Variants in DTWD2 observed in about 807,000 individuals in gnomAD.
The protein encoded by DTWD2 is tRNA-uridine aminocarboxypropyltransferase 2.
DTWD2 carries 39 observed loss-of-function variants against 31.8 expected under a neutral mutation model. The ratio of observed to expected loss-of-function variants is 1.22; its 90% CI spans 0.95 to 1.60. The LOEUF (loss-of-function observed/expected upper bound fraction) is 1.60, where lower values mean the gene tolerates loss of function less well. Ranked by LOEUF, DTWD2 falls within the 40% of genes most tolerant of loss-of-function variation. DTWD2 has a pLI of 0.00. For missense variants in DTWD2, 515 were observed against 381.5 expected (o/e 1.35, Z -2.92); for synonymous variants, 180 against 142.8 (o/e 1.26, Z -1.86).
At chr5:118,860,414 A>G (rs1053791607) in intron 4 of DTWD2, among the ~76,000 whole-genome samples, 2 of 151,870 alleles carry the variant, frequency 1.3e-5, no homozygotes, top group Non-Finnish European at 2.9e-5. Context: ...ACTTGATTGT[A>G]TAGCTATACC....
At chr5:118,917,412 G>A (rs1299624967) in intron 4 of DTWD2, among the ~76,000 whole-genome samples, 3 of 152,164 alleles carry the variant, frequency 2.0e-5, no homozygotes, top group Non-Finnish European at 4.4e-5. Flanking sequence ...GTCATAGTAA[G>A]GATTTATCAA....
rs201221823 is a variant in DTWD2, at chr5:118,889,544, AT to A, written c.597+38992del. ...CACGGGGGGATATGCATGTATATTT[AT>A]TTGTATATAAATAAAATAATTTTGA... On this transcript the variant is annotated intron_variant, in intron 4 of 5. Transcript: ENST00000510708. Among the ~76,000 whole-genome samples the A allele has an allele frequency of 4.1e-3, 630 of 152,218 alleles. 7 individuals carry two copies. Among genetic ancestry groups the A allele is most frequent in the East Asian group, 0.029 (151 of 5,182 alleles).
At chr5:118,975,924 A>T (rs1429216765) in intron 1 of DTWD2, among the ~76,000 whole-genome samples, 1 of 152,212 alleles carries the variant, frequency 6.6e-6, no homozygotes, top group Non-Finnish European at 1.5e-5. Context: ...CTTATTCTAA[A>T]ATTGACCACA....
At chr5:118,932,955 G>A (rs1219084849) in intron 3 of DTWD2, among the ~76,000 whole-genome samples, 2 of 151,302 alleles carry the variant, frequency 1.3e-5, no homozygotes, top group East Asian at 3.9e-4. Context: ...AAAGAGCAAA[G>A]ACACAATTAC....
At position 118,841,076 on chromosome 5, in the gene DTWD2, G is replaced by C. The variant is rs1323194324; in HGVS notation, c.738C>G (p.Arg246=). The change falls in exon 6 of 6, where the codon CGC becomes CGG. Residue 246 remains arginine, a synonymous_variant. Transcript: ENST00000510708. ...GAAAGGAGCATAAAGCTTGAAGAGG[G>C]CGAAGCAAAGTCTGTCAAGAGAAAA... is the stretch of plus-strand genomic sequence containing the variant. The part of the protein sequence containing the change: ...KNNYIQETLL[R]PLQALCSFQL... The C allele has an allele frequency of 1.2e-6, 2 of 1,610,976 alleles. No individual in the cohort carries two copies. Among genetic ancestry groups the C allele is most frequent in the Non-Finnish European group, 1.7e-6 (2 of 1,178,272 alleles).
Position 118,837,159 on chromosome 5 carries a change from G to A in DTWD2, c.*3758C>T, listed in dbSNP as rs185257336. ...CAATGTAGGTGATGAAAGAGGGAGA[G>A]GAAGACCCTGGGAAGGAGGAAGAAA... On this transcript the variant is annotated 3_prime_UTR_variant, in exon 6 of 6. Coordinates refer to ENST00000510708, the MANE Select transcript of DTWD2 (RefSeq NM_173666.4). Among the ~76,000 whole-genome samples, 640 of 152,172 alleles carry A rather than the reference G, an allele frequency of 4.2e-3. 8 individuals are homozygous for A. Among genetic ancestry groups the A allele is most frequent in the East Asian group, 0.029 (152 of 5,186 alleles).
At chr5:118,897,927 G>A (rs1753118266) in intron 4 of DTWD2, among the ~76,000 whole-genome samples, 1 of 152,150 alleles carries the variant, frequency 6.6e-6, no homozygotes, top group South Asian at 2.1e-4. Context: ...GGAGTGCAGT[G>A]TCACAATCAT....
At chr5:118,969,595 T>A (rs973554920) in intron 1 of DTWD2, among the ~76,000 whole-genome samples, 23 of 151,678 alleles carry the variant, frequency 1.5e-4, no homozygotes, top group Non-Finnish European at 3.4e-4. Context: ...TATGGAAGAG[T>A]GACCTGTTAA....
rs753506278 is a variant in DTWD2, at chr5:118,928,563, T to C, written c.571A>G (p.Asn191Asp). ...TGTTTGGGATGTCGGAACAAGGAGT[T>C]CTTATAGAAAATGTCCTTAGCCTGG... ...WSQAKDIFYK[N>D]SLFRHPKQVQ... The change falls in exon 4 of 6, where the codon AAC (asparagine) becomes GAC (aspartate). Residue 191 changes from asparagine (N) to aspartate (D), a missense_variant. Physicochemically the swap from Asn to Asp is conservative, Grantham distance 23. Transcript: ENST00000510708. The C allele has an allele frequency of 1.3e-6, 2 of 1,523,536 alleles. No individual in the cohort carries two copies. Among genetic ancestry groups the C allele is most frequent in the South Asian group, 1.4e-5 (1 of 69,124 alleles). The allele number at this position is 1,523,536 out of a possible 1,614,324, so 94.4% of individuals were successfully genotyped here.
At chr5:118,923,956 A>C (rs1042437209) in intron 4 of DTWD2, among the ~76,000 whole-genome samples, 1 of 152,228 alleles carries the variant, frequency 6.6e-6, no homozygotes, top group Non-Finnish European at 1.5e-5. Context: ...ATTCTAAAAA[A>C]AATTCAAGAG....
intron 2 of DTWD2, among the ~76,000 whole-genome samples, chr5:118,941,062 C>T (rs1754167791): frequency 6.6e-6 from 1 of 152,120 alleles, no homozygotes; most frequent in Non-Finnish European, 1.5e-5. Context: ...ACCTCCATAT[C>T]ATCTACTCCA....
chr5:118,860,825 A>G (rs971464465), intron 4 of DTWD2, among the ~76,000 whole-genome samples: 3 of 152,172 alleles, frequency 2.0e-5, no homozygotes, highest in Non-Finnish European at 2.9e-5. Flanking sequence ...TTGTCTATTA[A>G]TATCTTCTGC....
intron 4 of DTWD2, among the ~76,000 whole-genome samples, chr5:118,898,366 T>C (rs568619011): frequency 2.0e-5 from 3 of 152,044 alleles, no homozygotes; most frequent in Admixed American, 2.0e-4. Context: ...AATGAGAAGA[T>C]AAATTTTATG....
intron 1 of DTWD2, among the ~76,000 whole-genome samples, chr5:118,980,843 A>G (rs1216058054): frequency 6.6e-6 from 1 of 152,234 alleles, no homozygotes; most frequent in Non-Finnish European, 1.5e-5. Flanking sequence ...ACCAACCTAA[A>G]ATATATATTT....
intron 5 of DTWD2, among the ~76,000 whole-genome samples, chr5:118,842,357 G>A (rs956465507): frequency 2.0e-4 from 31 of 152,044 alleles, no homozygotes; most frequent in African/African-American, 7.5e-4. Flanking sequence ...CTCTTTAAAG[G>A]GGACAAACTT....
intron 1 of DTWD2, among the ~76,000 whole-genome samples, chr5:118,972,047 T>C (rs1312872884): frequency 6.6e-6 from 1 of 151,802 alleles, no homozygotes; most frequent in Non-Finnish European, 1.5e-5. Flanking sequence ...CAACCGAACA[T>C]CACAACTAAA....
chr5:118,929,400 T>C (rs865994881), intron 3 of DTWD2, among the ~76,000 whole-genome samples: 5 of 152,172 alleles, frequency 3.3e-5, no homozygotes, highest in African/African-American at 1.2e-4. Context: ...GTGCTAAGTG[T>C]TCAAACTGTG....
At chr5:118,987,342 T>C (rs916194826) in intron 1 of DTWD2, among the ~76,000 whole-genome samples, 1 of 152,216 alleles carries the variant, frequency 6.6e-6, no homozygotes, top group Admixed American at 6.5e-5. Context: ...TTCAAGATCC[T>C]TTCCTCTGAA....
Position 118,988,274 on chromosome 5 carries a change from G to GC in DTWD2, c.218+19dup. On this transcript the variant is annotated intron_variant, in intron 1 of 5. Coordinates refer to ENST00000510708, the MANE Select transcript of DTWD2 (RefSeq NM_173666.4). ...AAGGCCGCTGCCGGCTGCAGTCCCC[G>GC]CCCCCAGCCCCGCGGTCACCTGCAG... 2.0e-6 allele frequency: 3 copies of GC among 1,525,580 alleles called. No homozygotes were observed. In the South Asian group the frequency reaches 3.6e-5, roughly 18 times the overall value. The allele number at this position is 1,525,580 out of a possible 1,614,324, so 94.5% of individuals were successfully genotyped here.
Sources: allele counts gnomAD v4.1 joint callset (sites outside exome capture counted in the v4.1 genomes callset), GRCh38; gene constraint gnomAD v4.1.1; transcripts MANE v1.5; gene names NCBI Gene and HGNC (gene_info 2026-07-23, HGNC 2026-07-21).